Variants in DNAH8 observed in about 807,000 individuals in gnomAD.
DNAH8 encodes axonemal beta dynein heavy chain 8.
DNAH8 carries 382 observed loss-of-function variants against 562.1 expected under a neutral mutation model. The ratio of observed to expected loss-of-function variants is 0.68; its 90% CI spans 0.63 to 0.74. The LOEUF is 0.74. Ranked by LOEUF, DNAH8 falls within the 30% of genes least tolerant of loss-of-function variation. DNAH8 has a pLI of 0.00. For missense variants in DNAH8, 5,203 were observed against 5,620.4 expected (o/e 0.93, Z 2.37); for synonymous variants, 1,881 against 1,919.4 (o/e 0.98, Z 0.52).
chr6:38,935,566 T>C (rs1414066198), intron 76 of DNAH8, 26 bp from the exon 77 acceptor site: 1 of 1,486,152 alleles, frequency 6.7e-7, no homozygotes, highest in Non-Finnish European at 9.3e-7. Flanking sequence ...ATAGTTCCAA[T>C]GTTATTTTTT....
chr6:38,850,019 A>T lies in DNAH8; in HGVS notation c.5200-232A>T, dbSNP rs189308404. 4.6e-5 allele frequency among the ~76,000 whole-genome samples: 7 copies of T among 151,844 alleles called. No individual in the cohort carries two copies. The East Asian group carries it at 1.4e-3, about 30-fold the overall frequency. On this transcript the variant is annotated intron_variant, in intron 37 of 92. Transcript: ENST00000327475. Reference sequence around the variant, plus strand: ...AAAACATGTTAAATGCAATGAAACAAATAAGCAATAAGCCTCATTGTGATA... The same window carrying T: ...AAAACATGTTAAATGCAATGAAACATATAAGCAATAAGCCTCATTGTGATA...
chr6:38,842,239 C>A, intron 33 of DNAH8, 129 bp from the exon 34 acceptor site: 1 of 628,260 alleles, frequency 1.6e-6, no homozygotes, highest in Non-Finnish European at 2.6e-6. Context: ...TAGTTGTATG[C>A]ATTTGGTATC....
chr6:38,857,993 A>G (rs1038753077), intron 42 of DNAH8, among the ~76,000 whole-genome samples: 14 of 152,198 alleles, frequency 9.2e-5, no homozygotes, highest in African/African-American at 3.4e-4. Flanking sequence ...CATTAAACCA[A>G]ATAACCAGGA....
rs906506388 is a variant in DNAH8, at chr6:38,973,067, A to G, written c.12526-594A>G. Among the ~76,000 whole-genome samples, 7 of 152,346 alleles carry G rather than the reference A, an allele frequency of 4.6e-5. No homozygotes were observed. The South Asian group carries it at 6.2e-4, about 14-fold the overall frequency. ...GAAACTATGTTCTCACAGGGCAGTG[A>G]TGGTTTTGTGACATATTGTTTAAGG... On this transcript the variant is annotated intron_variant, in intron 83 of 92. Transcript: ENST00000327475.
intron 56 of DNAH8, among the ~76,000 whole-genome samples, chr6:38,884,969 C>T (rs1242843899): frequency 1.3e-5 from 2 of 152,060 alleles, no homozygotes; most frequent in Non-Finnish European, 2.9e-5. Flanking sequence ...TTGGCTCTAC[C>T]AGGACAAGTC....
intron 10 of DNAH8, among the ~76,000 whole-genome samples, chr6:38,756,475 T>A (rs1354442256): frequency 6.6e-6 from 1 of 152,160 alleles, no homozygotes; most frequent in Non-Finnish European, 1.5e-5. Context: ...AAATAATTTT[T>A]TAAAAATGAT....
intron 68 of DNAH8, 97 bp from the exon 69 acceptor site, chr6:38,917,142 A>G: frequency 1.2e-6 from 1 of 860,950 alleles, no homozygotes; most frequent in Non-Finnish European, 1.6e-6. Context: ...AATATGTTTT[A>G]AAGTTTTCTA....
chr6:38,828,291 A>G lies in DNAH8; in HGVS notation c.4188+3A>G, dbSNP rs982938356. On this transcript the variant is annotated splice_donor_region_variant and intron_variant, in intron 30 of 92. Coordinates refer to ENST00000327475, the MANE Select transcript of DNAH8 (RefSeq NM_001206927.2). The stretch of plus-strand genomic sequence containing the variant: ...TCAACAAATTGCAGAGCAAAGCTGT[A>G]AGTATGAATTTAACTACATTATTTT... 6.6e-7 allele frequency: 1 copy of G among 1,521,216 alleles called. No homozygotes were observed. The highest frequency in any genetic ancestry group is 8.9e-7 in the Non-Finnish European group (1 of 1,121,918). The allele number at this position is 1,521,216 out of a possible 1,614,324, so 94.2% of individuals were successfully genotyped here.
chr6:38,969,623 G>T (rs1290846940), intron 82 of DNAH8, among the ~76,000 whole-genome samples: 2 of 150,700 alleles, frequency 1.3e-5, no homozygotes, highest in East Asian at 4.0e-4. Context: ...ACACCAATGA[G>T]GCTGGGGTGG....
chr6:38,988,180 A>C (rs916867297), intron 87 of DNAH8, among the ~76,000 whole-genome samples: 2 of 152,122 alleles, frequency 1.3e-5, no homozygotes, highest in Non-Finnish European at 2.9e-5. Flanking sequence ...CATCTTACAG[A>C]GTCTCTCTGC....
Position 39,012,568 on chromosome 6 carries a change from C to A in DNAH8, c.13645C>A (p.Gln4549Lys). The A allele has an allele frequency of 6.2e-7, 1 of 1,614,006 alleles. No individual in the cohort carries two copies. The highest frequency in any genetic ancestry group is 1.1e-5 in the South Asian group (1 of 91,072). ...WFTELLERNA[Q>K]FSTWIFEGRP... is the part of the protein sequence containing the mutation. ...CACTGAACTTTTGGAAAGAAATGCTCAGTTTTCTACGTGGATATTTGAAGG... is the reference window on the plus strand; with the variant it reads ...CACTGAACTTTTGGAAAGAAATGCTAAGTTTTCTACGTGGATATTTGAAGG... The change falls in exon 91 of 93, where the codon CAG becomes AAG. Residue 4549 changes from glutamine (Q) to lysine (K), a missense_variant. Transcript: ENST00000327475.
intron 13 of DNAH8, among the ~76,000 whole-genome samples, chr6:38,778,068 A>G (rs567466268): frequency 1.6e-4 from 25 of 152,356 alleles, no homozygotes; most frequent in African/African-American, 6.0e-4. Context: ...TCAACCCAAT[A>G]TGTTAAATAT....
At chr6:38,809,480 T>C (rs1365710257) in intron 24 of DNAH8, among the ~76,000 whole-genome samples, 2 of 152,220 alleles carry the variant, frequency 1.3e-5, no homozygotes, top group Admixed American at 6.5e-5. Flanking sequence ...CAAGCAAAAG[T>C]TGTTGAAAAA....
rs184882877 is a variant in DNAH8 at position 38,722,934 on chromosome 6, C to G, written c.125C>G (p.Pro42Arg). ...CCGCGCCCTCCGACAGTGGAGGCCC[C>G]GGCAGAAGATGGTTTCTCTCCTTCC... ...EAPRPPTVEA[P>R]AEDGFSPSAE... is the part of the protein sequence containing the mutation. Residue 42 changes from proline to arginine, a missense_variant, in exon 2 of 93, where the codon CCG becomes CGG. Physicochemically the swap from Pro to Arg is moderately radical, Grantham distance 103. This residue lies in a region of DNAH8 where 556 missense variants were observed against 496.9 expected (regional missense o/e 1.12). Coordinates refer to ENST00000327475, the MANE Select transcript of DNAH8 (RefSeq NM_001206927.2). 5.6e-6 allele frequency: 9 copies of G among 1,612,526 alleles called. No homozygotes were observed. In the Middle Eastern group the frequency reaches 6.6e-4, roughly 118 times the overall value.
chr6:38,944,968 T>TTAACCCTAACCC lies in DNAH8; in HGVS notation c.12008-469_12008-458dup, dbSNP rs113455471. On this transcript the variant is annotated intron_variant, in intron 79 of 92. Coordinates refer to ENST00000327475, the MANE Select transcript of DNAH8 (RefSeq NM_001206927.2). ...TCCTTCCTTAACCCTAACCCCAACC[T>TTAACCCTAACCC]TAACCCTAACCCTAACCCTAACCCT... Among the ~76,000 whole-genome samples the TTAACCCTAACCC allele has an allele frequency of 4.3e-4, 65 of 150,562 alleles. 1 individual carries two copies. The highest frequency in any genetic ancestry group is 1.2e-3 in the East Asian group (6 of 5,062).
intron 33 of DNAH8, among the ~76,000 whole-genome samples, chr6:38,841,117 G>C (rs2150369158): frequency 6.6e-6 from 1 of 152,138 alleles, no homozygotes; most frequent in Non-Finnish European, 1.5e-5. Flanking sequence ...ACGCCTACAT[G>C]GTAATTACAA....
chr6:38,977,815 C>T (rs145235226), intron 85 of DNAH8, among the ~76,000 whole-genome samples: 109 of 152,160 alleles, frequency 7.2e-4, no homozygotes, highest in African/African-American at 2.3e-3. Flanking sequence ...TGTATTGGAC[C>T]GAGTAAATGT....
At chr6:38,816,002 AT>A (rs939571041) in intron 26 of DNAH8, among the ~76,000 whole-genome samples, 38 of 151,996 alleles carry the variant, frequency 2.5e-4, no homozygotes, top group South Asian at 1.7e-3. Flanking sequence ...TGTTATGAAC[AT>A]TTTTTTGACA....
intron 44 of DNAH8, among the ~76,000 whole-genome samples, chr6:38,863,181 C>T (rs1437180473): frequency 6.6e-6 from 1 of 152,092 alleles, no homozygotes; most frequent in East Asian, 1.9e-4. Flanking sequence ...CGCTTGTAAT[C>T]CCAGCACTTT....
Sources: allele counts gnomAD v4.1 joint callset (sites outside exome capture counted in the v4.1 genomes callset), GRCh38; gene constraint gnomAD v4.1.1; regional missense constraint gnomAD v4.1.1; transcripts MANE v1.5; gene names NCBI Gene and HGNC (gene_info 2026-07-23, HGNC 2026-07-21).